Variants in PTPRD observed in about 807,000 individuals in gnomAD.
PTPRD encodes the protein receptor-type tyrosine-protein phosphatase delta.
Under a neutral mutation model 214.5 loss-of-function variants are expected in PTPRD, and 34 were observed. The ratio of observed to expected loss-of-function variants is 0.16; its 90% CI spans 0.12 to 0.21. PTPRD has a LOEUF of 0.21. PTPRD is among the 10% of genes least tolerant of loss of function. The pLI, the probability that PTPRD is intolerant of heterozygous loss-of-function variation, is 1.00. For synonymous variants in PTPRD, 1,128 were observed against 845.7 expected (o/e 1.33, Z -5.79); for missense variants, 2,545 against 2,398.7 (o/e 1.06, Z -1.27).
intron 4 of PTPRD, among the ~76,000 whole-genome samples, chr9:10,011,931 G>C (rs928719244): frequency 6.6e-6 from 1 of 151,812 alleles, no homozygotes; most frequent in Non-Finnish European, 1.5e-5. Context: ...ATTGTGTCTG[G>C]CCAGTGGTAT....
intron 5 of PTPRD, among the ~76,000 whole-genome samples, chr9:9,775,461 A>C (rs550444712): frequency 6.6e-6 from 1 of 152,202 alleles, no homozygotes; most frequent in African/African-American, 2.4e-5. Context: ...AATAATTAGA[A>C]TTACAATCAA....
intron 9 of PTPRD, among the ~76,000 whole-genome samples, chr9:9,245,334 G>A (rs1164017180): frequency 6.6e-6 from 1 of 152,102 alleles, no homozygotes; most frequent in Non-Finnish European, 1.5e-5. Flanking sequence ...GTTTATTGCG[G>A]CACTATTCAC....
chr9:9,315,182 A>C (rs1961976973), intron 9 of PTPRD, among the ~76,000 whole-genome samples: 1 of 152,026 alleles, frequency 6.6e-6, no homozygotes, highest in Admixed American at 6.6e-5. Context: ...AAGATAAAGA[A>C]GCTGAATTTC....
intron 8 of PTPRD, among the ~76,000 whole-genome samples, chr9:9,426,817 A>C (rs1054178113): frequency 6.6e-6 from 1 of 152,152 alleles, no homozygotes; most frequent in Admixed American, 6.5e-5. Context: ...GACCTCCAGC[A>C]AACTCTAACA....
At chr9:9,503,898 T>C (rs959094333) in intron 8 of PTPRD, among the ~76,000 whole-genome samples, 4 of 151,908 alleles carry the variant, frequency 2.6e-5, no homozygotes, top group African/African-American at 9.6e-5. Context: ...TGAGAGGACA[T>C]CTGCTCAGCA....
intron 4 of PTPRD, among the ~76,000 whole-genome samples, chr9:9,997,506 C>T (rs569971303): frequency 3.3e-4 from 50 of 152,108 alleles, no homozygotes; most frequent in Non-Finnish European, 6.2e-4. Context: ...TCAGGCTGGT[C>T]TTGAACTCCC....
chr9:8,743,316 A>C (rs2092338727), intron 11 of PTPRD, among the ~76,000 whole-genome samples: 1 of 152,122 alleles, frequency 6.6e-6, no homozygotes, highest in Non-Finnish European at 1.5e-5. Flanking sequence ...AGGCAGCATA[A>C]ATATTGTCAC....
chr9:9,257,529 T>G (rs539688871), intron 9 of PTPRD, among the ~76,000 whole-genome samples: 90 of 152,092 alleles, frequency 5.9e-4, no homozygotes, highest in East Asian at 2.0e-3. Flanking sequence ...TGGGGGCTCA[T>G]GTCTATGATT....
intron 3 of PTPRD, among the ~76,000 whole-genome samples, chr9:10,104,372 A>G (rs1299934170): frequency 1.3e-5 from 2 of 151,762 alleles, no homozygotes; most frequent in African/African-American, 2.4e-5. Flanking sequence ...TAATGGCTTG[A>G]TGAATTCTTT....
At chr9:9,708,868 C>T (rs2097674594) in intron 7 of PTPRD, among the ~76,000 whole-genome samples, 1 of 152,070 alleles carries the variant, frequency 6.6e-6, no homozygotes, top group East Asian at 1.9e-4. Context: ...ATTTAAAAAA[C>T]ACAATTTTTA....
intron 2 of PTPRD, among the ~76,000 whole-genome samples, chr9:10,594,161 G>T (rs533093276): frequency 6.6e-6 from 1 of 152,014 alleles, no homozygotes; most frequent in Non-Finnish European, 1.5e-5. Flanking sequence ...TAAACAAGCA[G>T]ATTACATAAT....
chr9:10,336,873 G>A (rs2096853715), intron 3 of PTPRD, among the ~76,000 whole-genome samples: 3 of 151,458 alleles, frequency 2.0e-5, no homozygotes, highest in African/African-American at 7.3e-5. Context: ...TTGGATTTAG[G>A]GACTAAAGTC....
At chr9:10,209,569 T>C (rs2099504990) in intron 3 of PTPRD, among the ~76,000 whole-genome samples, 1 of 152,164 alleles carries the variant, frequency 6.6e-6, no homozygotes, top group African/African-American at 2.4e-5. Context: ...AGTTGATCCT[T>C]AGTCCCTAAG....
At chr9:10,470,732 G>A (rs1279768475) in intron 2 of PTPRD, among the ~76,000 whole-genome samples, 15 of 152,096 alleles carry the variant, frequency 9.9e-5, no homozygotes, top group Admixed American at 9.8e-4. Flanking sequence ...TCCCCTCTGA[G>A]GCAGGGGAGA....
At chr9:9,464,490 A>G (rs1488361342) in intron 8 of PTPRD, among the ~76,000 whole-genome samples, 8 of 152,160 alleles carry the variant, frequency 5.3e-5, no homozygotes, top group Non-Finnish European at 1.2e-4. Context: ...GTGACTATAT[A>G]TTGCTCTGTG....
chr9:9,824,813 G>T (rs2821523), intron 5 of PTPRD, among the ~76,000 whole-genome samples: 29,073 of 151,788 alleles, frequency 0.19, 3,473 homozygotes, highest in African/African-American at 0.34. Context: ...ATCTTGCCTG[G>T]TAAGACAAAG....
intron 34 of PTPRD, among the ~76,000 whole-genome samples, chr9:8,448,802 T>A (rs1414057971): frequency 6.6e-6 from 1 of 152,194 alleles, no homozygotes; most frequent in African/African-American, 2.4e-5. Context: ...ATATCTGCAG[T>A]GTATCATACT....
chr9:10,574,333 G>C (rs1204346054), intron 2 of PTPRD, among the ~76,000 whole-genome samples: 1 of 152,028 alleles, frequency 6.6e-6, no homozygotes, highest in African/African-American at 2.4e-5. Context: ...TGTCAGGAAA[G>C]CATAAGAGGA....
At chr9:8,389,463 C>T (rs2135677821) in intron 36 of PTPRD, 56 bp from the exon 37 acceptor site, 1 of 1,397,628 alleles carries the variant, frequency 7.2e-7, no homozygotes, top group Non-Finnish European at 9.8e-7. Context: ...AGGAAACAGC[C>T]TGGGACATGA....
Sources: gnomAD v4.1 joint callset for allele counts (sites outside exome capture counted in the v4.1 genomes callset) on GRCh38, gnomAD v4.1.1 for gene constraint, MANE v1.5 for transcripts, NCBI Gene and HGNC (gene_info 2026-07-23, HGNC 2026-07-21) for gene names.